INTS4: variants seen among roughly 807,000 people sequenced by gnomAD.
The protein encoded by INTS4 is MSTP093.
A neutral mutation model predicts 119.5 loss-of-function variants in INTS4; 70 were observed. That is an observed-to-expected ratio of 0.59 (90% CI 0.48 to 0.71). The LOEUF (loss-of-function observed/expected upper bound fraction) is 0.71. INTS4 is among the 30% of genes least tolerant of loss of function. INTS4 has a pLI of 0.00. For missense variants in INTS4, 867 were observed against 1,173.2 expected, an observed-to-expected ratio of 0.74 and a Z score of 3.81; for synonymous variants, 316 against 419.6, an observed-to-expected ratio of 0.75 and a Z score of 3.02.
chr11:77,988,046 C>A (rs12419883), intron 2 of INTS4, among the ~76,000 whole-genome samples: 19,795 of 152,040 alleles, frequency 0.13, 1,481 homozygotes, highest in East Asian at 0.25. Context: ...TAGATAGATA[C>A]GATTTTTTAA....
intron 18 of INTS4, among the ~76,000 whole-genome samples, chr11:77,901,087 G>A (rs993028414): frequency 6.6e-6 from 1 of 152,178 alleles, no homozygotes; most frequent in Non-Finnish European, 1.5e-5. Flanking sequence ...AACAGAAAAA[G>A]TGGTCCCTGG....
At chr11:77,982,095 T>C (rs1369422330) in intron 2 of INTS4, among the ~76,000 whole-genome samples, 2 of 151,706 alleles carry the variant, frequency 1.3e-5, no homozygotes, top group Non-Finnish European at 2.9e-5. Context: ...GTGTTGCAGC[T>C]ACCACTGCTA....
chr11:77,976,074 G>T (rs1855939437), intron 4 of INTS4, among the ~76,000 whole-genome samples: 1 of 151,560 alleles, frequency 6.6e-6, no homozygotes, highest in African/African-American at 2.4e-5. Flanking sequence ...TACAAATAAA[G>T]GAAAAACATA....
chr11:77,908,330 C>CTTTT (rs762416286), intron 15 of INTS4, among the ~76,000 whole-genome samples: 1 of 139,658 alleles, frequency 7.2e-6, no homozygotes, highest in African/African-American at 2.6e-5. Flanking sequence ...CTGCATCCAT[C>CTTTT]TTTTTTTTTT....
intron 8 of INTS4, among the ~76,000 whole-genome samples, chr11:77,950,034 G>A (rs1407722788): frequency 2.0e-5 from 3 of 152,130 alleles, no homozygotes; most frequent in African/African-American, 7.2e-5. Flanking sequence ...ATACCATGCA[G>A]CCACAAAAAA....
chr11:77,875,955 C>A (rs1951582494), downstream of INTS4, among the ~76,000 whole-genome samples: 1 of 152,070 alleles, frequency 6.6e-6, no homozygotes, highest in African/African-American at 2.4e-5. Flanking sequence ...CCATGAAGAG[C>A]CTTCAAGACA....
rs1474486008 is a variant in INTS4, at chr11:77,938,897, T to C, written c.991-72A>G. On this transcript the variant is annotated intron_variant, in intron 9 of 22. Coordinates refer to ENST00000534064, the MANE Select transcript of INTS4 (RefSeq NM_033547.4). Reference sequence around the variant, plus strand: ...AACACTAAGATGAACCCTGAGAACATGGGAAGGCAGAAAATAAAACTGCTC... The same window carrying C: ...AACACTAAGATGAACCCTGAGAACACGGGAAGGCAGAAAATAAAACTGCTC... 8.1e-6 allele frequency: 9 copies of C among 1,106,074 alleles called. No individual in the cohort carries two copies. In the East Asian group the frequency reaches 1.7e-4, roughly 21 times the overall value. The allele number at this position is 1,106,074 out of a possible 1,614,324, so 68.5% of individuals were successfully genotyped here.
chr11:77,883,708 G>A (rs1376692815), intron 22 of INTS4, 124 bp downstream of exon 22: 3 of 1,066,778 alleles, frequency 2.8e-6, no homozygotes, highest in African/African-American at 3.2e-5. Flanking sequence ...AACTCATTAA[G>A]TTCAATTCTT....
intron 8 of INTS4, among the ~76,000 whole-genome samples, chr11:77,944,310 T>C (rs1215336675): frequency 6.6e-6 from 1 of 152,224 alleles, no homozygotes; most frequent in East Asian, 1.9e-4. Context: ...ACAGATCCCC[T>C]ATATTGAACA....
chr11:77,951,010 G>A (rs1954180133), intron 8 of INTS4, among the ~76,000 whole-genome samples: 1 of 151,846 alleles, frequency 6.6e-6, no homozygotes, highest in African/African-American at 2.4e-5. Context: ...TGCTGAGAAT[G>A]ATGGTTTCCA....
chr11:77,894,764 G>A (rs1161150260), intron 18 of INTS4, among the ~76,000 whole-genome samples: 1 of 152,188 alleles, frequency 6.6e-6, no homozygotes, highest in African/African-American at 2.4e-5. Flanking sequence ...TGAGCTGTCA[G>A]CATTGGGATG....
chr11:77,891,465 G>A lies in INTS4; in HGVS notation c.2449-3C>T, dbSNP rs372680879. On this transcript the variant is annotated splice_region_variant and splice_polypyrimidine_tract_variant and intron_variant, in intron 20 of 22. Coordinates refer to ENST00000534064, the MANE Select transcript of INTS4 (RefSeq NM_033547.4). The stretch of plus-strand genomic sequence containing the variant: ...ATGGTGGCTGAGGCTTTGTGGATCT[G>A]TAAGCAAGAGGAAAATCCTATGATT... The A allele has an allele frequency of 4.9e-5, 79 of 1,613,530 alleles. No homozygotes were observed. The African/African-American group carries it at 8.5e-4, about 17-fold the overall frequency.
At chr11:77,942,315 G>A (rs1202266275) in intron 8 of INTS4, among the ~76,000 whole-genome samples, 1 of 152,124 alleles carries the variant, frequency 6.6e-6, no homozygotes, top group African/African-American at 2.4e-5. Flanking sequence ...TATACGTGGA[G>A]AAATGAAAAT....
downstream of INTS4, among the ~76,000 whole-genome samples, chr11:77,874,587 G>A (rs1951547474): frequency 6.6e-6 from 1 of 152,130 alleles, no homozygotes; most frequent in East Asian, 1.9e-4. Flanking sequence ...GGTGCACATG[G>A]TTAACGATGG....
chr11:77,935,996 C>T (rs1274766613), intron 10 of INTS4, among the ~76,000 whole-genome samples: 1 of 151,266 alleles, frequency 6.6e-6, no homozygotes, highest in Non-Finnish European at 1.5e-5. Context: ...AGGCTAAATG[C>T]TACTCTAATC....
intron 2 of INTS4, among the ~76,000 whole-genome samples, chr11:77,986,109 A>C (rs1856447561): frequency 6.6e-6 from 1 of 152,266 alleles, no homozygotes; most frequent in Admixed American, 6.5e-5. Flanking sequence ...TGCATGCAGC[A>C]TGGACTGGTT....
At chr11:77,974,929 T>C (rs1290274713) in intron 4 of INTS4, among the ~76,000 whole-genome samples, 6 of 152,140 alleles carry the variant, frequency 3.9e-5, no homozygotes, top group Admixed American at 3.9e-4. Context: ...TTTTTCCTAA[T>C]ATGTCCATCT....
intron 15 of INTS4, among the ~76,000 whole-genome samples, chr11:77,916,145 T>C (rs1191681026): frequency 1.3e-5 from 2 of 152,244 alleles, no homozygotes; most frequent in African/African-American, 4.8e-5. Context: ...AAGCCTCTTT[T>C]GTTTTCTGCA....
At chr11:77,909,556 C>T (rs1164135859) in intron 15 of INTS4, among the ~76,000 whole-genome samples, 2 of 152,186 alleles carry the variant, frequency 1.3e-5, no homozygotes, top group South Asian at 2.1e-4. Context: ...AAAGACCTCA[C>T]TTCCTCATAA....
Sources: allele counts gnomAD v4.1 joint callset (sites outside exome capture counted in the v4.1 genomes callset), GRCh38; gene constraint gnomAD v4.1.1; transcripts MANE v1.5; gene names NCBI Gene and HGNC (gene_info 2026-07-23, HGNC 2026-07-21).